The following CCDC63 variants were observed in gnomAD, a reference collection of about 807,000 sequenced individuals.
CCDC63 encodes the protein coiled-coil domain-containing protein 63.
Under a neutral mutation model 63.6 loss-of-function variants are expected in CCDC63, and 54 were observed. The ratio of observed to expected loss-of-function variants is 0.85; its 90% CI spans 0.68 to 1.07. The LOEUF (loss-of-function observed/expected upper bound fraction) is 1.07. Among genes scored for constraint, CCDC63 ranks in the 50% least tolerant of loss-of-function variants. The pLI, the probability that CCDC63 is intolerant of heterozygous loss-of-function variation, is 0.00. For synonymous variants in CCDC63, 253 were observed against 266.1 expected, an observed-to-expected ratio of 0.95 and a Z score of 0.48; for missense variants, 637 against 689.6, an observed-to-expected ratio of 0.92 and a Z score of 0.86.
intron 4 of CCDC63, among the ~76,000 whole-genome samples, chr12:110,871,151 A>AT (rs897581080): frequency 5.3e-5 from 8 of 151,712 alleles, no homozygotes; most frequent in East Asian, 3.9e-4. Flanking sequence ...TTTTATTTTT[A>AT]TTTTTTTTGA....
rs1206714370 is a variant in CCDC63 at position 110,868,447 on chromosome 12, G to A, written c.370-5395G>A. Among the ~76,000 whole-genome samples the A allele has an allele frequency of 1.5e-4, 22 of 150,986 alleles. No homozygotes were observed. In the South Asian group the frequency reaches 2.7e-3, roughly 19 times the overall value. ...TGCACTCCAGTCTGGGCACCATTGA[G>A]CACTGAGTGAACGAGACTCCGTCTG... is the stretch of plus-strand genomic sequence containing the variant. On this transcript the variant is annotated intron_variant, in intron 4 of 11. Coordinates refer to ENST00000308208, the MANE Select transcript of CCDC63 (RefSeq NM_152591.3).
At chr12:110,902,076 C>G (rs1166716562) in intron 10 of CCDC63, among the ~76,000 whole-genome samples, 1 of 152,166 alleles carries the variant, frequency 6.6e-6, no homozygotes, top group African/African-American at 2.4e-5. Context: ...GGTGATCCAC[C>G]TGCCTTGGCT....
At chr12:110,854,946 G>A (rs546502750) in intron 3 of CCDC63, among the ~76,000 whole-genome samples, 1 of 152,074 alleles carries the variant, frequency 6.6e-6, no homozygotes, top group South Asian at 2.1e-4. Context: ...TCACAGGCGT[G>A]TGCCAGCACG....
At chr12:110,868,293 A>G (rs4766433) in intron 4 of CCDC63, among the ~76,000 whole-genome samples, 1,409 of 101,694 alleles carry the variant, frequency 0.014, 19 homozygotes, top group East Asian at 0.04. Context: ...GACGATGGGC[A>G]GCCAGGCAGA....
At chr12:110,864,936 C>T (rs1034644419) in intron 4 of CCDC63, among the ~76,000 whole-genome samples, 1 of 152,112 alleles carries the variant, frequency 6.6e-6, no homozygotes, top group African/African-American at 2.4e-5. Flanking sequence ...TTGGCTGGGG[C>T]AAGATGGGAG....
rs181030249 is a variant in CCDC63 at position 110,893,454 on chromosome 12, G to A, written c.1149+304G>A. 3.9e-5 allele frequency among the ~76,000 whole-genome samples: 6 copies of A among 152,268 alleles called. No individual in the cohort carries two copies. The East Asian group carries it at 9.7e-4, about 25-fold the overall frequency. On this transcript the variant is annotated intron_variant, in intron 9 of 11. Transcript: ENST00000308208. ...GGGCCTGCAATTTCATCCCTGATGGGCTCCTTCCACATGGATCTCTGCCTC... is the reference window on the plus strand; with the variant it reads ...GGGCCTGCAATTTCATCCCTGATGGACTCCTTCCACATGGATCTCTGCCTC...
intron 7 of CCDC63, 140 bp downstream of exon 7, chr12:110,881,436 A>T: frequency 1.2e-6 from 1 of 867,990 alleles, no homozygotes; most frequent in Non-Finnish European, 1.7e-6. Context: ...ATGCCTAGTT[A>T]AGGTTGTGCA....
In CCDC63 at chr12:110,904,679, A is replaced by G; in HGVS notation, c.1434A>G (p.Pro478=). The change falls in exon 11 of 12, where the codon CCA becomes CCG. Residue 478 remains proline, a synonymous_variant. Coordinates refer to ENST00000308208, the MANE Select transcript of CCDC63 (RefSeq NM_152591.3). ...EVEGAEAEIP[P]PFINPFWGGS... ...AAGGGGCAGAGGCTGAGATCCCGCC[A>G]CCCTTCATCAACCCTTTCTGGGGTG... is the stretch of plus-strand genomic sequence containing the variant. 1 of 1,613,820 alleles carries G rather than the reference A, an allele frequency of 6.2e-7. No individual in the cohort carries two copies.
At chr12:110,885,941 A>C (rs2071273193) in intron 8 of CCDC63, among the ~76,000 whole-genome samples, 1 of 152,264 alleles carries the variant, frequency 6.6e-6, no homozygotes, top group South Asian at 2.1e-4. Context: ...TACTTAGGGT[A>C]GTAAGTAATA....
At chr12:110,890,785 T>G (rs1592780258) in intron 8 of CCDC63, among the ~76,000 whole-genome samples, 1 of 147,010 alleles carries the variant, frequency 6.8e-6, no homozygotes, top group East Asian at 1.9e-4. Flanking sequence ...TTTTTTTTTT[T>G]TTTTTTTTTT....
At chr12:110,867,302 G>A (rs2070974427) in intron 4 of CCDC63, among the ~76,000 whole-genome samples, 1 of 105,268 alleles carries the variant, frequency 9.5e-6, no homozygotes, top group Admixed American at 8.6e-5. Flanking sequence ...GGGCGGCCGG[G>A]CAGAGGCGCC....
At chr12:110,890,863 G>A (rs975623186) in intron 8 of CCDC63, among the ~76,000 whole-genome samples, 27 of 133,378 alleles carry the variant, frequency 2.0e-4, no homozygotes, top group African/African-American at 5.4e-4. Flanking sequence ...TGCAACCTCC[G>A]CCTCCTGGGC....
At chr12:110,875,819 C>T (rs61940985) in intron 5 of CCDC63, among the ~76,000 whole-genome samples, 1,623 of 152,190 alleles carry the variant, frequency 0.011, 13 homozygotes, top group Non-Finnish European at 0.014. Flanking sequence ...TGACCTGGCG[C>T]GGTGGCTCAC....
rs145066978 is a variant in CCDC63, at chr12:110,850,891, C to T, written c.-96-1968C>T. Among the ~76,000 whole-genome samples, 40 of 152,332 alleles carry T rather than the reference C, an allele frequency of 2.6e-4. No homozygotes were observed. The East Asian group carries it at 6.5e-3, about 25-fold the overall frequency. On this transcript the variant is annotated intron_variant, in intron 1 of 11. Coordinates refer to ENST00000308208, the MANE Select transcript of CCDC63 (RefSeq NM_152591.3). ...TCAGTCACTTCCTTCTCACCCTTTG[C>T]CCGAGCAGTTCTCTCTGCCCAGAAT... is the stretch of plus-strand genomic sequence containing the variant.
At chr12:110,900,661 G>A (rs191804598) in intron 10 of CCDC63, among the ~76,000 whole-genome samples, 32 of 150,778 alleles carry the variant, frequency 2.1e-4, no homozygotes, top group South Asian at 6.3e-4. Flanking sequence ...ATGCAGTGGC[G>A]CGATCTCAGC....
intron 10 of CCDC63, among the ~76,000 whole-genome samples, chr12:110,902,962 A>C (rs1170899293): frequency 6.6e-6 from 1 of 151,304 alleles, no homozygotes; most frequent in Non-Finnish European, 1.5e-5. Context: ...GGCTCACTGC[A>C]GCCTCTGCCT....
chr12:110,886,473 C>A (rs1178660328), intron 8 of CCDC63, among the ~76,000 whole-genome samples: 1 of 152,080 alleles, frequency 6.6e-6, no homozygotes, highest in Non-Finnish European at 1.5e-5. Flanking sequence ...TAAAAAGGGA[C>A]TGTTTCCAGA....
At chr12:110,862,685 C>A (rs892672633) in intron 4 of CCDC63, among the ~76,000 whole-genome samples, 1 of 152,104 alleles carries the variant, frequency 6.6e-6, no homozygotes, top group Non-Finnish European at 1.5e-5. Flanking sequence ...CAGGTGATGG[C>A]GCAGTCTGGA....
At chr12:110,895,966 C>T (rs146894723) in intron 9 of CCDC63, among the ~76,000 whole-genome samples, 1 of 152,268 alleles carries the variant, frequency 6.6e-6, no homozygotes, top group East Asian at 1.9e-4. Flanking sequence ...CAACATTCCT[C>T]ATCTGAAAAC....
Sources: gnomAD v4.1 joint callset for allele counts (sites outside exome capture counted in the v4.1 genomes callset) on GRCh38, gnomAD v4.1.1 for gene constraint, MANE v1.5 for transcripts, NCBI Gene and HGNC (gene_info 2026-07-23, HGNC 2026-07-21) for gene names.